The following PPP1R9A variants were observed in gnomAD, a reference collection of about 807,000 sequenced individuals.
PPP1R9A encodes the protein neurabin-1.
Under a neutral mutation model 141.9 loss-of-function variants are expected in PPP1R9A, and 59 were observed. The observed-to-expected ratio is 0.42, with a 90% CI of 0.34 to 0.52. The LOEUF (loss-of-function observed/expected upper bound fraction) is 0.52, where lower values mean the gene tolerates loss of function less well. PPP1R9A is among the 20% of genes least tolerant of loss of function. PPP1R9A has a pLI of 0.10. For synonymous variants in PPP1R9A, 500 were observed against 569.7 expected, an observed-to-expected ratio of 0.88 and a Z score of 1.74; for missense variants, 1,444 against 1,611.9, an observed-to-expected ratio of 0.90 and a Z score of 1.78.
chr7:94,921,493 A>G (rs1792830328), intron 2 of PPP1R9A, among the ~76,000 whole-genome samples: 2 of 151,732 alleles, frequency 1.3e-5, no homozygotes, highest in African/African-American at 4.8e-5. Context: ...ATTTTGATGG[A>G]TTCCTTTACG....
chr7:95,221,948 G>A (rs1794518346), intron 7 of PPP1R9A, among the ~76,000 whole-genome samples: 1 of 152,054 alleles, frequency 6.6e-6, no homozygotes, highest in South Asian at 2.1e-4. Context: ...TGTGATTTAA[G>A]TTAACATAAA....
intron 5 of PPP1R9A, among the ~76,000 whole-genome samples, chr7:95,181,493 T>G (rs994040388): frequency 2.9e-5 from 4 of 137,624 alleles, no homozygotes; most frequent in African/African-American, 5.3e-5. Flanking sequence ...ATCATATATA[T>G]AGAATATATA....
intron 2 of PPP1R9A, among the ~76,000 whole-genome samples, chr7:95,013,846 T>C (rs1329744654): frequency 1.3e-5 from 2 of 152,140 alleles, no homozygotes; most frequent in East Asian, 3.8e-4. Context: ...CTCTTTACTT[T>C]TCTAACTTTT....
At chr7:94,950,022 T>C (rs1309708073) in intron 2 of PPP1R9A, among the ~76,000 whole-genome samples, 1 of 151,966 alleles carries the variant, frequency 6.6e-6, no homozygotes, top group Non-Finnish European at 1.5e-5. Flanking sequence ...ACCTAAAAAT[T>C]ATGAAGGATC....
At chr7:95,126,485 A>C (rs974625076) in intron 4 of PPP1R9A, among the ~76,000 whole-genome samples, 12 of 152,216 alleles carry the variant, frequency 7.9e-5, no homozygotes, top group African/African-American at 2.9e-4. Context: ...CTATTGAGGA[A>C]CTGGCCAGGA....
At chr7:95,027,996 C>T (rs1563140246) in intron 2 of PPP1R9A, among the ~76,000 whole-genome samples, 1 of 152,116 alleles carries the variant, frequency 6.6e-6, no homozygotes, top group East Asian at 1.9e-4. Flanking sequence ...ACTTTTAGGT[C>T]CATTGAGTGA....
intron 2 of PPP1R9A, among the ~76,000 whole-genome samples, chr7:95,011,950 T>C (rs1221213304): frequency 6.6e-6 from 1 of 152,202 alleles, no homozygotes; most frequent in Admixed American, 6.6e-5. Context: ...ATATAAAATA[T>C]TCACTTAATT....
chr7:95,131,681 C>G (rs1186745566), intron 4 of PPP1R9A, among the ~76,000 whole-genome samples: 1 of 149,576 alleles, frequency 6.7e-6, no homozygotes, highest in Non-Finnish European at 1.5e-5. Flanking sequence ...GTGCTGGAAT[C>G]TATCTGAATT....
Position 94,920,652 on chromosome 7 carries a change from G to A in PPP1R9A, c.1395+9144G>A, listed in dbSNP as rs570831723. The stretch of plus-strand genomic sequence containing the variant: ...TTATAAGTCAGATGAGTTTTGTGCC[G>A]GGGAAAGCTAATCTTCCAAGTTGTT... On this transcript the variant is annotated intron_variant, in intron 2 of 19. Transcript: ENST00000433360. Among the ~76,000 whole-genome samples, 35 of 152,204 alleles carry A rather than the reference G, an allele frequency of 2.3e-4. No individual in the cohort carries two copies. The South Asian group carries it at 6.2e-3, about 27-fold the overall frequency.
chr7:95,105,556 G>C (rs900786443), intron 2 of PPP1R9A, among the ~76,000 whole-genome samples: 1 of 152,216 alleles, frequency 6.6e-6, no homozygotes, highest in African/African-American at 2.4e-5. Flanking sequence ...TGTGAAGGTA[G>C]CTTGAACTAC....
chr7:95,007,600 G>A (rs1416256899), intron 2 of PPP1R9A, among the ~76,000 whole-genome samples: 1 of 152,080 alleles, frequency 6.6e-6, no homozygotes, highest in Non-Finnish European at 1.5e-5. Context: ...TGATTATCTT[G>A]TATTGAAATG....
Position 94,922,649 on chromosome 7 carries a change from A to G in PPP1R9A, c.1395+11141A>G, listed in dbSNP as rs190162817. ...AGTAAAAAGTCTGGTTAAATGCTGA[A>G]TATGCATTTCTGTCATATTTTTACT... On this transcript the variant is annotated intron_variant, in intron 2 of 19. Transcript: ENST00000433360. 3.9e-5 allele frequency among the ~76,000 whole-genome samples: 6 copies of G among 152,294 alleles called. No individual in the cohort carries two copies. In the East Asian group the frequency reaches 9.7e-4, roughly 25 times the overall value.
intron 4 of PPP1R9A, among the ~76,000 whole-genome samples, chr7:95,134,062 C>T (rs191865675): frequency 2.3e-3 from 344 of 152,120 alleles, no homozygotes; most frequent in Non-Finnish European, 3.3e-3. Context: ...GACTTGGAAC[C>T]AACCCAAATG....
intron 5 of PPP1R9A, 91 bp downstream of exon 5, chr7:95,162,062 A>G (rs1830535634): frequency 1.3e-6 from 1 of 751,636 alleles, no homozygotes; most frequent in Non-Finnish European, 2.1e-6. Flanking sequence ...TGTAATTACA[A>G]TGACAATTTT....
chr7:95,206,329 G>C (rs974978550), intron 7 of PPP1R9A, among the ~76,000 whole-genome samples: 1 of 152,070 alleles, frequency 6.6e-6, no homozygotes, highest in African/African-American at 2.4e-5. Flanking sequence ...GATTTCTGAA[G>C]TTTCAGTTCC....
chr7:95,110,711 C>A (rs1327247320), intron 2 of PPP1R9A, among the ~76,000 whole-genome samples: 1 of 152,100 alleles, frequency 6.6e-6, no homozygotes, highest in Admixed American at 6.6e-5. Flanking sequence ...ATAAAAGTTT[C>A]AATGAGAATT....
chr7:95,271,455 C>T (rs182126522), intron 14 of PPP1R9A, among the ~76,000 whole-genome samples: 1 of 152,242 alleles, frequency 6.6e-6, no homozygotes, highest in Non-Finnish European at 1.5e-5. Flanking sequence ...ATGGGCTTCA[C>T]GCCTCAGAAC....
At chr7:95,047,312 T>C (rs1369161173) in intron 2 of PPP1R9A, among the ~76,000 whole-genome samples, 1 of 152,254 alleles carries the variant, frequency 6.6e-6, no homozygotes, top group African/African-American at 2.4e-5. Context: ...TTTTAGTTGA[T>C]GTGTACTATG....
At chr7:95,189,248 A>T (rs1453551487) in intron 5 of PPP1R9A, among the ~76,000 whole-genome samples, 1 of 152,006 alleles carries the variant, frequency 6.6e-6, no homozygotes, top group Non-Finnish European at 1.5e-5. Flanking sequence ...TTCTTTCCTT[A>T]GATAACCTGA....
Sources: allele counts gnomAD v4.1 joint callset (sites outside exome capture counted in the v4.1 genomes callset), GRCh38; gene constraint gnomAD v4.1.1; transcripts MANE v1.5; gene names NCBI Gene and HGNC (gene_info 2026-07-23, HGNC 2026-07-21).